Variants in ATXN1 observed in about 807,000 individuals in gnomAD.
ATXN1 encodes ataxin 1.
Under a neutral mutation model 56.4 loss-of-function variants are expected in ATXN1, and 8 were observed. That is an observed-to-expected ratio of 0.14 (90% CI 0.08 to 0.26). The LOEUF (loss-of-function observed/expected upper bound fraction) is 0.26. Ranked by LOEUF, ATXN1 falls within the 10% of genes least tolerant of loss-of-function variation. The pLI is 1.00. For missense variants in ATXN1, 987 were observed against 1,106.5 expected, an observed-to-expected ratio of 0.89 and a Z score of 1.53; for synonymous variants, 514 against 494.6, an observed-to-expected ratio of 1.04 and a Z score of -0.52.
chr6:16,316,865 C>CTTTTTTTTTTTTTTTT lies in ATXN1; in HGVS notation c.1917+9513_1917+9528dup, dbSNP rs375359789. Among the ~76,000 whole-genome samples, 289 of 99,438 alleles carry CTTTTTTTTTTTTTTTT rather than the reference C, an allele frequency of 2.9e-3. 40 individuals are homozygous for CTTTTTTTTTTTTTTTT. Among genetic ancestry groups the CTTTTTTTTTTTTTTTT allele is most frequent in the South Asian group, 6.0e-3 (14 of 2,344 alleles). The allele number at this position is 99,438 out of a possible 152,430, so 65.2% of individuals were successfully genotyped here. ...AGGGGGCAATAGAGAGACTGCCTGT[C>CTTTTTTTTTTTTTTTT]TTTTTTTTTTTTTTTTTTTTTTTTT... On this transcript the variant is annotated intron_variant, in intron 7 of 7. Coordinates refer to ENST00000436367, the MANE Select transcript of ATXN1 (RefSeq NM_001128164.2).
intron 6 of ATXN1, among the ~76,000 whole-genome samples, chr6:16,378,129 T>C (rs561141146): frequency 3.3e-5 from 5 of 152,334 alleles, no homozygotes; most frequent in Non-Finnish European, 5.9e-5. Flanking sequence ...CCTTTGTCTA[T>C]GCCAGGTGGC....
At chr6:16,389,314 G>A (rs1023042899) in intron 6 of ATXN1, among the ~76,000 whole-genome samples, 15 of 131,612 alleles carry the variant, frequency 1.1e-4, no homozygotes, top group East Asian at 4.0e-4. Flanking sequence ...TCCAGCCTGA[G>A]TGACAGAGCG....
At chr6:16,374,837 CAG>C (rs758915219) in intron 6 of ATXN1, among the ~76,000 whole-genome samples, 12 of 152,350 alleles carry the variant, frequency 7.9e-5, no homozygotes, top group Non-Finnish European at 1.0e-4. Context: ...AGAATTGCTG[CAG>C]AGTTACCTGC....
Position 16,678,782 on chromosome 6 carries a change from T to C in ATXN1, c.-614-20881A>G, listed in dbSNP as rs1051953196. The stretch of plus-strand genomic sequence containing the variant: ...TGGGTGCGGTGGCTCACGCCTGTAA[T>C]CCCAGCACTTTGGGAGGCCGAGGCG... On this transcript the variant is annotated intron_variant, in intron 2 of 7. Coordinates refer to ENST00000436367, the MANE Select transcript of ATXN1 (RefSeq NM_001128164.2). Among the ~76,000 whole-genome samples, 9 of 152,310 alleles carry C rather than the reference T, an allele frequency of 5.9e-5. No homozygotes were observed. In the East Asian group the frequency reaches 1.7e-3, roughly 29 times the overall value.
At chr6:16,359,921 G>T (rs1260335729) in intron 6 of ATXN1, among the ~76,000 whole-genome samples, 1 of 152,036 alleles carries the variant, frequency 6.6e-6, no homozygotes, top group Non-Finnish European at 1.5e-5. Flanking sequence ...TGGGAGAAAG[G>T]GTGGGAGGGG....
At chr6:16,516,058 G>A (rs989995850) in intron 5 of ATXN1, among the ~76,000 whole-genome samples, 1 of 152,192 alleles carries the variant, frequency 6.6e-6, no homozygotes, top group African/African-American at 2.4e-5. Flanking sequence ...TGGCAGGCCG[G>A]GGCTTTAGCG....
chr6:16,301,749 A>C lies in ATXN1; in HGVS notation c.*4580T>G, dbSNP rs370087671. 1 of 152,616 alleles carries C rather than the reference A, an allele frequency of 6.6e-6. No individual in the cohort carries two copies. Among genetic ancestry groups the C allele is most frequent in the African/African-American group, 2.4e-5 (1 of 41,442 alleles). The allele number at this position is 152,616 out of a possible 1,614,324, so 9.5% of individuals were successfully genotyped here. ...CAGTCTGTTGAGCTGCTTGTGGTTCATGAAACAGTAGCCATGACAACCAAC... is the reference window on the plus strand; with the variant it reads ...CAGTCTGTTGAGCTGCTTGTGGTTCCTGAAACAGTAGCCATGACAACCAAC... On this transcript the variant is annotated 3_prime_UTR_variant, in exon 8 of 8. Transcript: ENST00000436367.
intron 3 of ATXN1, among the ~76,000 whole-genome samples, chr6:16,620,610 G>A (rs1042239123): frequency 6.6e-6 from 1 of 152,152 alleles, no homozygotes; most frequent in African/African-American, 2.4e-5. Flanking sequence ...AACCCAAGTC[G>A]AAGAGGTACG....
chr6:16,474,835 TAC>T (rs80085771), intron 6 of ATXN1, among the ~76,000 whole-genome samples: 38,451 of 146,240 alleles, frequency 0.26, 5,012 homozygotes, highest in Non-Finnish European at 0.29. Flanking sequence ...TGTGTGTGCA[TAC>T]ACACACACAC....
intron 3 of ATXN1, among the ~76,000 whole-genome samples, chr6:16,646,998 T>C (rs1035660757): frequency 3.3e-5 from 5 of 152,034 alleles, no homozygotes; most frequent in Non-Finnish European, 5.9e-5. Flanking sequence ...TTTTTGTTTG[T>C]TTGTTTGTTT....
intron 6 of ATXN1, among the ~76,000 whole-genome samples, chr6:16,451,750 C>G (rs936713337): frequency 1.3e-5 from 2 of 150,114 alleles, no homozygotes; most frequent in Non-Finnish European, 3.0e-5. Context: ...AGCAAAACTC[C>G]GTCTCAAAAA....
At chr6:16,507,586 T>C (rs896108892) in intron 5 of ATXN1, among the ~76,000 whole-genome samples, 4 of 152,192 alleles carry the variant, frequency 2.6e-5, no homozygotes, top group African/African-American at 9.6e-5. Flanking sequence ...TAATATAAGG[T>C]AATTTTTCTC....
chr6:16,704,098 A>C (rs1296451828), intron 2 of ATXN1, among the ~76,000 whole-genome samples: 2 of 152,226 alleles, frequency 1.3e-5, no homozygotes. Context: ...TTAAAAACTT[A>C]AATCTGTATA....
chr6:16,331,039 C>T (rs1337752405), intron 6 of ATXN1, among the ~76,000 whole-genome samples: 2 of 152,048 alleles, frequency 1.3e-5, no homozygotes, highest in African/African-American at 4.8e-5. Context: ...CTCACTCTGT[C>T]GCCCAGGCTG....
rs1758779538 is a variant in ATXN1 at position 16,410,743 on chromosome 6, TC to T, written c.-161+75228del. The stretch of plus-strand genomic sequence containing the variant: ...ACATCTATTCAGGTCATATACAACA[TC>T]CGTGGAGCAAAGTGAATTTGAAGTT... On this transcript the variant is annotated intron_variant, in intron 6 of 7. Coordinates refer to ENST00000436367, the MANE Select transcript of ATXN1 (RefSeq NM_001128164.2). This position sits in a 1 kb window ranked among gnomAD's most constrained non-coding sequence, Gnocchi z 4.6. Among the ~76,000 whole-genome samples, 1 of 152,152 alleles carries T rather than the reference TC, an allele frequency of 6.6e-6. No individual in the cohort carries two copies. The highest frequency in any genetic ancestry group is 1.5e-5 in the Non-Finnish European group (1 of 68,016).
intron 7 of ATXN1, among the ~76,000 whole-genome samples, chr6:16,319,053 C>A (rs1004323860): frequency 6.6e-6 from 1 of 151,482 alleles, no homozygotes; most frequent in African/African-American, 2.4e-5. Context: ...CCCGTCTCTA[C>A]AAAAAAATAG....
Position 16,327,001 on chromosome 6 carries a change from G to GTGGTC in ATXN1, c.1305_1309dup (p.Thr437ArgfsTer31). 1 of 1,614,190 alleles carries GTGGTC rather than the reference G, an allele frequency of 6.2e-7. No homozygotes were observed. Among genetic ancestry groups the GTGGTC allele is most frequent in the Non-Finnish European group, 8.5e-7 (1 of 1,180,036 alleles). On this transcript the variant is annotated frameshift_variant, in exon 7 of 8. Coordinates refer to ENST00000436367, the MANE Select transcript of ATXN1 (RefSeq NM_001128164.2). LOFTEE classifies it high-confidence loss of function. ...CGGGAGTGGCTCTGAAGCACTGTGTGTGGTCTGAATGACCGTGTGGGGTGA... is the reference window on the plus strand; with the variant it reads ...CGGGAGTGGCTCTGAAGCACTGTGTGTGGTCTGGTCTGAATGACCGTGTGGGGTGA...
chr6:16,481,937 G>A (rs975749926), intron 6 of ATXN1, among the ~76,000 whole-genome samples: 3 of 151,966 alleles, frequency 2.0e-5, no homozygotes, highest in African/African-American at 4.8e-5. Flanking sequence ...AAATGGAAAA[G>A]GAGAGGAAAT....
At chr6:16,748,180 A>T (rs1299650572) in intron 2 of ATXN1, among the ~76,000 whole-genome samples, 3 of 152,102 alleles carry the variant, frequency 2.0e-5, no homozygotes, top group Non-Finnish European at 4.4e-5. Context: ...TCTCAAGGAG[A>T]TATGAGTAAG....
Sources: allele counts gnomAD v4.1 joint callset (sites outside exome capture counted in the v4.1 genomes callset), GRCh38; gene constraint gnomAD v4.1.1; non-coding constraint Gnocchi (gnomAD v3.1); transcripts MANE v1.5; gene names NCBI Gene and HGNC (gene_info 2026-07-23, HGNC 2026-07-21).